CCDC77: variants seen among roughly 807,000 people sequenced by gnomAD.
The protein encoded by CCDC77 is coiled-coil domain-containing protein 77.
Under a neutral mutation model 66.8 loss-of-function variants are expected in CCDC77, and 56 were observed. The ratio of observed to expected loss-of-function variants is 0.84; its 90% CI spans 0.68 to 1.05. The LOEUF is 1.05. Among genes scored for constraint, CCDC77 ranks in the 50% least tolerant of loss-of-function variants. The pLI is 0.00. For missense variants in CCDC77, 570 were observed against 576.8 expected, an observed-to-expected ratio of 0.99 and a Z score of 0.12; for synonymous variants, 196 against 195.2, an observed-to-expected ratio of 1.00 and a Z score of -0.03.
At chr12:392,969 T>A (rs1253367783) in intron 1 of CCDC77, among the ~76,000 whole-genome samples, 1 of 152,028 alleles carries the variant, frequency 6.6e-6, no homozygotes, top group Non-Finnish European at 1.5e-5. Flanking sequence ...TGTACTTTTT[T>A]TTTTAACATT....
chr12:430,120 A>G (rs981030426), intron 6 of CCDC77, among the ~76,000 whole-genome samples: 12 of 152,002 alleles, frequency 7.9e-5, no homozygotes, highest in African/African-American at 2.9e-4. Flanking sequence ...CAGCCTCCTG[A>G]GTAGCTGGGA....
upstream of CCDC77, among the ~76,000 whole-genome samples, chr12:397,346 C>G (rs1944841056): frequency 6.6e-6 from 1 of 151,684 alleles, no homozygotes; most frequent in South Asian, 2.1e-4. Flanking sequence ...ATTGCAGGGG[C>G]TAAAAGAAAG....
intron 2 of CCDC77, 33 bp from the exon 3 acceptor site, chr12:409,335 G>A (rs760305018): frequency 1.2e-5 from 18 of 1,513,194 alleles, no homozygotes; most frequent in South Asian, 1.1e-4. Context: ...TCTATTCGTG[G>A]CCCGTAATTA....
chr12:393,683 C>A (rs1944790111), intron 1 of CCDC77, among the ~76,000 whole-genome samples: 1 of 152,276 alleles, frequency 6.6e-6, no homozygotes, highest in South Asian at 2.1e-4. Flanking sequence ...AGGCACCCAC[C>A]ACCACACTCA....
intron 4 of CCDC77, among the ~76,000 whole-genome samples, chr12:415,057 G>T (rs1371289849): frequency 1.3e-5 from 2 of 151,838 alleles, no homozygotes; most frequent in Non-Finnish European, 2.9e-5. Flanking sequence ...TTCCATTTGG[G>T]CTCCTGGATA....
At chr12:419,426 T>G (rs12307382) in intron 5 of CCDC77, among the ~76,000 whole-genome samples, 10,233 of 137,640 alleles carry the variant, frequency 0.074, 893 homozygotes, top group African/African-American at 0.24. Flanking sequence ...ATTACAGTGC[T>G]CTTCTGTGTG....
intron 1 of CCDC77, chr12:390,184 T>C (rs1944730453): frequency 6.6e-6 from 1 of 151,134 alleles, no homozygotes; most frequent in Non-Finnish European, 1.5e-5. Context: ...TCACTTCCCA[T>C]GTATAATCGT....
At position 432,072 on chromosome 12, in the gene CCDC77, C is replaced by T. The variant is rs76409038; in HGVS notation, c.672+118C>T. Reference sequence around the variant, plus strand: ...TTGCACACAGGTTACATCTAAGCATCATGTGGTTAAGAAAATTGAGATTGT... The same window carrying T: ...TTGCACACAGGTTACATCTAAGCATTATGTGGTTAAGAAAATTGAGATTGT... On this transcript the variant is annotated intron_variant, in intron 8 of 12. Transcript: ENST00000239830. 239 of 597,766 alleles carry T rather than the reference C, an allele frequency of 4.0e-4. 1 individual carries two copies. The East Asian group carries it at 6.4e-3, about 16-fold the overall frequency. 37.0% of individuals were successfully genotyped at this position (597,766 alleles called of 1,614,324 possible).
At chr12:398,635 T>C (rs1019647288), upstream of CCDC77, among the ~76,000 whole-genome samples, 1 of 152,168 alleles carries the variant, frequency 6.6e-6, no homozygotes, top group African/African-American at 2.4e-5. Flanking sequence ...CCATGAAGTC[T>C]TGAACCCCCT....
At chr12:393,364 C>T (rs1031078346) in intron 1 of CCDC77, among the ~76,000 whole-genome samples, 7 of 152,160 alleles carry the variant, frequency 4.6e-5, no homozygotes, top group African/African-American at 1.4e-4. Context: ...CCTCCCACCT[C>T]GGCCCCCCAA....
At position 438,489 on chromosome 12, in the gene CCDC77, G is replaced by A. The variant is rs201775054; in HGVS notation, c.976G>A (p.Asp326Asn). 7.4e-6 allele frequency: 12 copies of A among 1,614,068 alleles called. No individual in the cohort carries two copies. Among genetic ancestry groups the A allele is most frequent in the African/African-American group, 1.3e-5 (1 of 75,034 alleles). The change falls in exon 10 of 13, where the codon GAT becomes AAT. Residue 326 changes from aspartate (D) to asparagine (N), a missense_variant. Physicochemically the swap from Asp to Asn is conservative, Grantham distance 23 (BLOSUM62 1). Transcript: ENST00000239830. The stretch of plus-strand genomic sequence containing the variant: ...TAGGGTGCAGTGTAAGAAGAAAGAA[G>A]ATAAAATTGGAAAAGTGTTGCCCGT... ...QYRVQCKKKE[D>N]KIGKVLPVMH...
chr12:418,223 G>A (rs182739878), intron 4 of CCDC77, among the ~76,000 whole-genome samples: 2 of 152,216 alleles, frequency 1.3e-5, no homozygotes, highest in Admixed American at 1.3e-4. Flanking sequence ...GGAGGCTGAG[G>A]CACAAGAATC....
intron 7 of CCDC77, 27 bp downstream of exon 7, chr12:430,763 T>G: frequency 3.2e-6 from 5 of 1,552,710 alleles, no homozygotes; most frequent in Non-Finnish European, 3.6e-6. Flanking sequence ...CTATTAGAAA[T>G]TCTCATCAAT....
In CCDC77 at chr12:440,670, G is replaced by A. The variant is rs140718277; in HGVS notation, c.1095G>A (p.Glu365=). The A allele has an allele frequency of 2.2e-5, 36 of 1,614,040 alleles. No individual in the cohort carries two copies. The highest frequency in any genetic ancestry group is 2.6e-5 in the Non-Finnish European group (31 of 1,180,028). ...QEKKLSNMYQ[E]QCISLEEELA... is the part of the protein sequence containing the mutation. ...AAAAGCTGTCCAATATGTACCAAGA[G>A]CAGTGCATTTCCTTAGAAGAAGAAC... Residue 365 remains glutamate (E), a synonymous_variant, in exon 11 of 13, where the codon GAG becomes GAA. Coordinates refer to ENST00000239830, the MANE Select transcript of CCDC77 (RefSeq NM_032358.4).
In CCDC77 at chr12:418,516, A is replaced by C. The variant is rs138940892; in HGVS notation, c.293A>C (p.Gln98Pro). 10 of 1,614,016 alleles carry C rather than the reference A, an allele frequency of 6.2e-6. No individual in the cohort carries two copies. In the Admixed American group the frequency reaches 8.3e-5, roughly 13 times the overall value. Reference sequence around the variant, plus strand: ...CAGCATAAACTTGAATGTGATTTGCAGCAGAGGGAGGAAGAGATTGCTGAA... The same window carrying C: ...CAGCATAAACTTGAATGTGATTTGCCGCAGAGGGAGGAAGAGATTGCTGAA... ...EGQHKLECDL[Q>P]QREEEIAELQ... Residue 98 changes from glutamine (Q) to proline (P), a missense_variant, in exon 5 of 13, where the codon CAG becomes CCG. Coordinates refer to ENST00000239830, the MANE Select transcript of CCDC77 (RefSeq NM_032358.4).
At chr12:415,808 T>TTTTCATTTTA (rs1555144467) in intron 4 of CCDC77, among the ~76,000 whole-genome samples, 2,564 of 149,936 alleles carry the variant, frequency 0.017, 35 homozygotes, top group Non-Finnish European at 0.028. Flanking sequence ...AATTTTTTAT[T>TTTTCATTTTA]TTTTATTTTA....
chr12:413,985 C>T (rs7303333), intron 4 of CCDC77, among the ~76,000 whole-genome samples: 2,199 of 151,874 alleles, frequency 0.014, 86 homozygotes, highest in South Asian at 0.12. Context: ...AAAACCGTGC[C>T]GTCTGCGGTC....
chr12:411,237 GATCTCGACT>G (rs1945103327), intron 3 of CCDC77, among the ~76,000 whole-genome samples: 1 of 151,346 alleles, frequency 6.6e-6, no homozygotes, highest in Non-Finnish European at 1.5e-5. Context: ...GCAATGGCAT[GATCTCGACT>G]CACTGCAACC....
chr12:389,511 G>C (rs1363982996), intron 1 of CCDC77: 1 of 369,304 alleles, frequency 2.7e-6, no homozygotes, highest in Non-Finnish European at 5.1e-6. Context: ...AGGGGCACAA[G>C]CTCTTCTTTA....
Sources: gnomAD v4.1 joint callset for allele counts (sites outside exome capture counted in the v4.1 genomes callset) on GRCh38, gnomAD v4.1.1 for gene constraint, MANE v1.5 for transcripts, NCBI Gene and HGNC (gene_info 2026-07-23, HGNC 2026-07-21) for gene names.